Variants in ESRRG observed in about 807,000 individuals in gnomAD.
ESRRG encodes the protein estrogen-related receptor gamma.
ESRRG carries 13 observed loss-of-function variants against 44.0 expected under a neutral mutation model. The ratio of observed to expected loss-of-function variants is 0.30; its 90% CI spans 0.19 to 0.47. The LOEUF is 0.47. Among genes scored for constraint, ESRRG ranks in the 20% least tolerant of loss-of-function variants. The probability of loss-of-function intolerance (pLI) is 1.00; values close to 1 mark genes in which losing one functional copy is unlikely to be tolerated. For synonymous variants in ESRRG, 215 were observed against 214.6 expected, an observed-to-expected ratio of 1.00 and a Z score of -0.02; for missense variants, 395 against 580.6, an observed-to-expected ratio of 0.68 and a Z score of 3.29.
chr1:217,026,906 C>CAGAGAGAGAGAGAG (rs1190481305), intron 1 of ESRRG, among the ~76,000 whole-genome samples: 1 of 74,572 alleles, frequency 1.3e-5, no homozygotes, highest in Non-Finnish European at 2.9e-5. Flanking sequence ...CACACACACA[C>CAGAGAGAGAGAGAG]ACACACAGAG....
intron 1 of ESRRG, chr1:216,714,737 A>C (rs563614075): frequency 6.0e-6 from 1 of 165,888 alleles, no homozygotes; most frequent in Non-Finnish European, 1.2e-5. Flanking sequence ...CAATATAAAG[A>C]CATGAAAAAA....
At chr1:217,047,850 A>G (rs1400863324) in intron 1 of ESRRG, among the ~76,000 whole-genome samples, 2 of 152,176 alleles carry the variant, frequency 1.3e-5, no homozygotes, top group African/African-American at 4.8e-5. Flanking sequence ...TTTATACCAG[A>G]TTGTGTGTTT....
At chr1:216,985,401 G>A (rs930834935) in intron 1 of ESRRG, among the ~76,000 whole-genome samples, 14 of 152,176 alleles carry the variant, frequency 9.2e-5, no homozygotes, top group African/African-American at 3.4e-4. Context: ...GGCTGGAGAA[G>A]GAAGAGGTAG....
At chr1:216,875,985 A>G (rs11117713) in intron 2 of ESRRG, among the ~76,000 whole-genome samples, 18,628 of 152,234 alleles carry the variant, frequency 0.12, 1,309 homozygotes, top group East Asian at 0.24. Context: ...ATGAAAAACT[A>G]TAATGACAAT....
At chr1:216,747,155 G>A (rs2091493029) in intron 2 of ESRRG, among the ~76,000 whole-genome samples, 2 of 152,114 alleles carry the variant, frequency 1.3e-5, no homozygotes, top group Admixed American at 1.3e-4. Flanking sequence ...TGAGATAAAT[G>A]ATGTTAGTTT....
intron 4 of ESRRG, among the ~76,000 whole-genome samples, chr1:216,566,367 T>C (rs971771734): frequency 1.3e-5 from 2 of 152,168 alleles, no homozygotes; most frequent in East Asian, 1.9e-4. Context: ...CTTTAGATAA[T>C]GAGTAATGAT....
At chr1:216,829,787 C>T (rs796806619) in intron 2 of ESRRG, among the ~76,000 whole-genome samples, 40 of 152,154 alleles carry the variant, frequency 2.6e-4, no homozygotes, top group African/African-American at 9.4e-4. Context: ...CTCCTGACCT[C>T]GAATGATCCA....
chr1:216,850,768 TG>T (rs2095830145), intron 2 of ESRRG, among the ~76,000 whole-genome samples: 1 of 152,028 alleles, frequency 6.6e-6, no homozygotes, highest in Admixed American at 6.6e-5. Context: ...GAAATAAGAT[TG>T]ATGATATTGA....
intron 1 of ESRRG, among the ~76,000 whole-genome samples, chr1:216,950,169 G>A (rs1317479489): frequency 6.6e-6 from 1 of 152,112 alleles, no homozygotes; most frequent in Non-Finnish European, 1.5e-5. Context: ...ATGTCTTCAG[G>A]ATAAGGAATG....
Position 216,676,402 on chromosome 1 carries a change from G to GT in ESRRG, c.472+673dup, listed in dbSNP as rs147672373. Among the ~76,000 whole-genome samples the GT allele has an allele frequency of 5.6e-3, 848 of 151,748 alleles. 9 individuals carry two copies. Among genetic ancestry groups the GT allele is most frequent in the African/African-American group, 0.019 (785 of 41,354 alleles). ...CCATTTTATTGGTATAATTTGGAAG[G>GT]TTTTTTTTAATATAAATTCATTTAA... On this transcript the variant is annotated intron_variant, in intron 2 of 6. Transcript: ENST00000408911.
At chr1:216,889,954 A>G (rs1297690804) in intron 2 of ESRRG, among the ~76,000 whole-genome samples, 2 of 152,172 alleles carry the variant, frequency 1.3e-5, no homozygotes, top group Non-Finnish European at 2.9e-5. Context: ...AATAAAGTCA[A>G]TCTTATCTCC....
At chr1:216,715,802 GA>G (rs2084734725) in intron 1 of ESRRG, among the ~76,000 whole-genome samples, 1 of 151,702 alleles carries the variant, frequency 6.6e-6, no homozygotes, top group African/African-American at 2.4e-5. Context: ...TTGTGAGTAT[GA>G]AAAAAATACA....
At position 216,535,081 on chromosome 1, in the gene ESRRG, G is replaced by A. The variant is rs115635584; in HGVS notation, c.863-15660C>T. On this transcript the variant is annotated intron_variant, in intron 5 of 6. Transcript: ENST00000408911. ...GTGTATGGGTGTATGTAAGAGGCAAGGGTGTTCATAGGCAAAAGAATGTAA... is the reference window on the plus strand; with the variant it reads ...GTGTATGGGTGTATGTAAGAGGCAAAGGTGTTCATAGGCAAAAGAATGTAA... Among the ~76,000 whole-genome samples, 1,032 of 152,286 alleles carry A rather than the reference G, an allele frequency of 6.8e-3. 5 individuals carry two copies. Among genetic ancestry groups the A allele is most frequent in the African/African-American group, 0.024 (977 of 41,560 alleles).
chr1:216,765,500 A>G (rs1208857256), intron 2 of ESRRG, among the ~76,000 whole-genome samples: 1 of 152,062 alleles, frequency 6.6e-6, no homozygotes, highest in Non-Finnish European at 1.5e-5. Context: ...CAGGAAGCCA[A>G]ATTTATCTGG....
At chr1:216,511,912 AT>A (rs1045034254) in intron 6 of ESRRG, among the ~76,000 whole-genome samples, 2 of 152,156 alleles carry the variant, frequency 1.3e-5, no homozygotes, top group African/African-American at 2.4e-5. Flanking sequence ...TGTGTTTATA[AT>A]TTTTTTCAAT....
At chr1:216,633,988 C>A (rs2064776060) in intron 3 of ESRRG, among the ~76,000 whole-genome samples, 1 of 152,144 alleles carries the variant, frequency 6.6e-6, no homozygotes, top group South Asian at 2.1e-4. Context: ...AACCTAATTA[C>A]AGTTATTGAT....
chr1:217,083,910 A>T (rs1045877346), intron 1 of ESRRG, among the ~76,000 whole-genome samples: 3 of 152,224 alleles, frequency 2.0e-5, no homozygotes, highest in African/African-American at 7.2e-5. Context: ...TTCCTGATTT[A>T]TGTTTGAAAA....
At chr1:216,640,764 T>C (rs1428166565) in intron 3 of ESRRG, among the ~76,000 whole-genome samples, 2 of 152,162 alleles carry the variant, frequency 1.3e-5, no homozygotes, top group Middle Eastern at 3.2e-3. Context: ...ATTCCTTTAG[T>C]TACATTCAGG....
intron 1 of ESRRG, among the ~76,000 whole-genome samples, chr1:217,126,825 C>T (rs559294350): frequency 6.6e-6 from 1 of 152,234 alleles, no homozygotes; most frequent in East Asian, 1.9e-4. Context: ...CTTTCTGGAG[C>T]CCACAGTACT....
Sources: allele counts gnomAD v4.1 joint callset (sites outside exome capture counted in the v4.1 genomes callset), GRCh38; gene constraint gnomAD v4.1.1; transcripts MANE v1.5; gene names NCBI Gene and HGNC (gene_info 2026-07-23, HGNC 2026-07-21).